The following RPN1 variants were observed in gnomAD, a reference collection of about 807,000 sequenced individuals.
RPN1 encodes dolichyl-diphosphooligosaccharide--protein glycosyltransferase subunit 1.
Under a neutral mutation model 55.5 loss-of-function variants are expected in RPN1, and 12 were observed. The observed-to-expected ratio is 0.22, with a 90% confidence interval of 0.14 to 0.35. RPN1 has a LOEUF of 0.35. Among genes scored for constraint, RPN1 ranks in the 10% least tolerant of loss-of-function variants. The probability of loss-of-function intolerance (pLI) is 1.00; values close to 1 mark genes in which losing one functional copy is unlikely to be tolerated. For synonymous variants in RPN1, 317 were observed against 305.9 expected (o/e 1.04, Z -0.38); for missense variants, 679 against 761.3 (o/e 0.89, Z 1.27).
intron 3 of RPN1, among the ~76,000 whole-genome samples, 158 bp from the exon 4 acceptor site, chr3:128,632,315 A>C (rs1012000914): frequency 3.9e-5 from 6 of 152,186 alleles, no homozygotes; most frequent in Admixed American, 3.9e-4. Flanking sequence ...GTTTACTAGG[A>C]CTTCTTGCTA....
intron 2 of RPN1, chr3:128,640,927 T>A (rs2069719685): frequency 6.6e-6 from 1 of 152,204 alleles, no homozygotes; most frequent in Non-Finnish European, 1.5e-5. Flanking sequence ...TGCCACATAA[T>A]TTAATTTTGC....
chr3:128,631,914 A>T (rs777276170), intron 4 of RPN1, 34 bp downstream of exon 4: 3 of 1,607,848 alleles, frequency 1.9e-6, no homozygotes, highest in Non-Finnish European at 2.6e-6. Context: ...TAAAGTCCTC[A>T]TTTCTCACAA....
chr3:128,629,941 G>C lies in RPN1; in HGVS notation c.1036+10C>G. ...AAAGGTTAGTTTCTCCCTTACTATT[G>C]AAGACTGACCCAAATTATAGAGGTA... On this transcript the variant is annotated intron_variant, in intron 5 of 9. Coordinates refer to ENST00000296255, the MANE Select transcript of RPN1 (RefSeq NM_002950.4). The C allele has an allele frequency of 6.5e-7, 1 of 1,540,804 alleles. No individual in the cohort carries two copies. Among genetic ancestry groups the C allele is most frequent in the Non-Finnish European group, 8.9e-7 (1 of 1,120,732 alleles).
rs2069591856 is a variant in RPN1 at position 128,625,548 on chromosome 3, A to G, written c.1381T>C (p.Phe461Leu). Residue 461 changes from phenylalanine (F) to leucine (L), a missense_variant, in exon 8 of 10, where the codon TTC becomes CTC. Coordinates refer to ENST00000296255, the MANE Select transcript of RPN1 (RefSeq NM_002950.4). Reference protein sequence around the residue: ...FTVIIYVRLDFSITKDPAAEA... With the variant: ...FTVIIYVRLDLSITKDPAAEA... Reference sequence around the variant, plus strand: ...AGAGACGGTACCTTGGTGATGGAGAAGTCCAGCCGAACATAGATGATAACG... The same window carrying G: ...AGAGACGGTACCTTGGTGATGGAGAGGTCCAGCCGAACATAGATGATAACG... 3 of 1,614,088 alleles carry G rather than the reference A, an allele frequency of 1.9e-6. No homozygotes were observed. The East Asian group carries it at 6.7e-5, about 36-fold the overall frequency.
chr3:128,623,086 A>ACAC (rs2069572595), intron 8 of RPN1, among the ~76,000 whole-genome samples: 1 of 152,164 alleles, frequency 6.6e-6, no homozygotes, highest in African/African-American at 2.4e-5. Context: ...GGTCTCTACA[A>ACAC]CACCACAAAT....
At chr3:128,635,315 T>G (rs2069669032) in intron 3 of RPN1, among the ~76,000 whole-genome samples, 1 of 151,978 alleles carries the variant, frequency 6.6e-6, no homozygotes, top group Non-Finnish European at 1.5e-5. Context: ...TATTTTTTTT[T>G]TTTGGAGACA....
Position 128,631,994 on chromosome 3 carries a change from T to C in RPN1, c.797A>G (p.Tyr266Cys). 1 of 1,614,232 alleles carries C rather than the reference T, an allele frequency of 6.2e-7. No individual in the cohort carries two copies. Among genetic ancestry groups the C allele is most frequent in the Non-Finnish European group, 8.5e-7 (1 of 1,180,034 alleles). ...VLKGPFSRYD[Y>C]QRQPDSGISS... ...TATTCCACTATCTGGCTGTCTCTGG[T>C]AATCATAGCGTGAGAAAGGCCCCTT... Residue 266 changes from tyrosine (Y) to cysteine (C), a missense_variant, in exon 4 of 10, where the codon TAC becomes TGC. Physicochemically the swap from Tyr to Cys is radical, Grantham distance 194 (BLOSUM62 -2). This residue lies in a region of RPN1 where 352 missense variants were observed against 352.8 expected (regional missense o/e 1.00). Coordinates refer to ENST00000296255, the MANE Select transcript of RPN1 (RefSeq NM_002950.4).
chr3:128,645,343 G>T (rs969631460), intron 1 of RPN1, among the ~76,000 whole-genome samples: 3 of 152,046 alleles, frequency 2.0e-5, no homozygotes, highest in Non-Finnish European at 1.5e-5. Flanking sequence ...GGTGGCACAT[G>T]CCTGTAATCC....
At chr3:128,650,392 G>T in intron 1 of RPN1, 148 bp downstream of exon 1, 2 of 778,186 alleles carry the variant, frequency 2.6e-6, no homozygotes, top group South Asian at 2.1e-5. Flanking sequence ...GGGCCCCGAG[G>T]CAATCCCACG....
At chr3:128,637,670 T>G in intron 3 of RPN1, 129 bp downstream of exon 3, 1 of 937,740 alleles carries the variant, frequency 1.1e-6, no homozygotes, top group Non-Finnish European at 1.6e-6. Flanking sequence ...GTTAAACACT[T>G]TTGGGATGAC....
At chr3:128,647,459 G>A (rs1391756920) in intron 1 of RPN1, among the ~76,000 whole-genome samples, 1 of 152,044 alleles carries the variant, frequency 6.6e-6, no homozygotes, top group Non-Finnish European at 1.5e-5. Flanking sequence ...CACTTTGGGA[G>A]GACTGCTTGA....
In RPN1 at chr3:128,650,762, C is replaced by A; in HGVS notation, c.39G>T (p.Leu13Phe). The A allele has an allele frequency of 6.5e-7, 1 of 1,547,936 alleles. No homozygotes were observed. Among genetic ancestry groups the A allele is most frequent in the Middle Eastern group, 1.7e-4 (1 of 5,836 alleles). The change falls in exon 1 of 10, where the codon TTG becomes TTT. Residue 13 changes from leucine (L) to phenylalanine (F), a missense_variant. Transcript: ENST00000296255. ...CCGGCGCCGGGGCCCAAGTCCCAAG[C>A]AACAGGAGCAGAAACAAGCCGGCGG... ...APAAGLFLLL[L>F]LGTWAPAPGS... is the part of the protein sequence containing the mutation.
chr3:128,625,200 G>A (rs1034947160), intron 8 of RPN1, among the ~76,000 whole-genome samples: 2 of 152,008 alleles, frequency 1.3e-5, no homozygotes, highest in African/African-American at 4.8e-5. Context: ...GAGGGAGAGG[G>A]GACTAAGAGG....
chr3:128,633,936 T>G (rs184341041), intron 3 of RPN1, among the ~76,000 whole-genome samples: 16 of 152,220 alleles, frequency 1.1e-4, no homozygotes, highest in Non-Finnish European at 1.6e-4. Flanking sequence ...TGAGCCGAGA[T>G]TGTGCCACTG....
chr3:128,639,012 G>A (rs1576797655), intron 2 of RPN1, among the ~76,000 whole-genome samples: 1 of 152,022 alleles, frequency 6.6e-6, no homozygotes, highest in Non-Finnish European at 1.5e-5. Context: ...ACTGACAGTC[G>A]TTAGAAATAT....
Position 128,638,043 on chromosome 3 carries a change from A to G in RPN1, c.389T>C (p.Ile130Thr), listed in dbSNP as rs780355938. ...CACATGGGTGTAGACTGTTTCCACA[A>G]TGACTGAAATCTTGGCCCCAGGATC... ...ALDPGAKISV[I>T]VETVYTHVLH... The change falls in exon 3 of 10, where the codon ATT becomes ACT. Residue 130 changes from isoleucine to threonine, a missense_variant. Coordinates refer to ENST00000296255, the MANE Select transcript of RPN1 (RefSeq NM_002950.4). 6.2e-7 allele frequency: 1 copy of G among 1,614,110 alleles called. No individual in the cohort carries two copies. Among genetic ancestry groups the G allele is most frequent in the Non-Finnish European group, 8.5e-7 (1 of 1,179,972 alleles).
At chr3:128,621,607 G>A (rs544313161) in intron 9 of RPN1, among the ~76,000 whole-genome samples, 6 of 152,326 alleles carry the variant, frequency 3.9e-5, no homozygotes, top group African/African-American at 1.2e-4. Context: ...GCACCTCTGC[G>A]AAAAGGTTAC....
At chr3:128,650,429 G>A (rs1024377878) in intron 1 of RPN1, 111 bp downstream of exon 1, 4 of 1,132,480 alleles carry the variant, frequency 3.5e-6, no homozygotes, top group African/African-American at 3.2e-5. Flanking sequence ...CCCGCCGCCC[G>A]GGTCTCCGCA....
intron 9 of RPN1, 84 bp from the exon 10 acceptor site, chr3:128,620,677 A>AC: frequency 7.1e-7 from 1 of 1,400,986 alleles, no homozygotes; most frequent in Non-Finnish European, 9.8e-7. Flanking sequence ...AGGCCTACAG[A>AC]CCCCAGAGCT....
Sources: gnomAD v4.1 joint callset for allele counts (sites outside exome capture counted in the v4.1 genomes callset) on GRCh38, gnomAD v4.1.1 for gene constraint, gnomAD v4.1.1 regional missense constraint, MANE v1.5 for transcripts, NCBI Gene and HGNC (gene_info 2026-07-23, HGNC 2026-07-21) for gene names.